The following KCNQ1 variants were observed in gnomAD, a reference collection of about 807,000 sequenced individuals.
KCNQ1 encodes the protein potassium voltage-gated channel subfamily KQT member 1.
A neutral mutation model predicts 72.4 loss-of-function variants in KCNQ1; 49 were observed. The observed-to-expected ratio is 0.68, with a 90% CI of 0.54 to 0.86. The LOEUF is 0.86. KCNQ1 is among the 40% of genes least tolerant of loss of function. The pLI is 0.00. For missense variants in KCNQ1, 790 were observed against 945.1 expected (o/e 0.84, Z 2.15); for synonymous variants, 450 against 412.6 (o/e 1.09, Z -1.10).
intron 2 of KCNQ1, among the ~76,000 whole-genome samples, chr11:2,540,540 C>G (rs765040094): frequency 1.1e-4 from 17 of 152,230 alleles, no homozygotes; most frequent in Non-Finnish European, 2.4e-4. Flanking sequence ...CCAGGGGCGG[C>G]CAGCAGCCTC....
At chr11:2,727,138 T>C (rs231916) in intron 11 of KCNQ1, among the ~76,000 whole-genome samples, 118,990 of 152,138 alleles carry the variant, frequency 0.78, 46,821 homozygotes, top group Middle Eastern at 0.89. Flanking sequence ...ATAAGCCAGA[T>C]TTCAGGAAGG....
intron 15 of KCNQ1, among the ~76,000 whole-genome samples, chr11:2,807,488 G>A (rs538450744): frequency 6.6e-6 from 1 of 152,218 alleles, no homozygotes; most frequent in Non-Finnish European, 1.5e-5. Context: ...ATGTCATGAG[G>A]TAACTGAACA....
rs139753897 is a variant in KCNQ1, at chr11:2,790,073, G to C, written c.1794+12036G>C. ...GGGGATCATATCCCTTTGACCACCA[G>C]GTCATGACCCCCAGATCATATCCCA... On this transcript the variant is annotated intron_variant, in intron 15 of 15. Transcript: ENST00000155840. 3.3e-5 allele frequency among the ~76,000 whole-genome samples: 5 copies of C among 152,290 alleles called. No individual in the cohort carries two copies. In the East Asian group the frequency reaches 9.7e-4, roughly 29 times the overall value.
chr11:2,681,319 C>T (rs1386379152), intron 11 of KCNQ1: 1 of 398,554 alleles, frequency 2.5e-6, no homozygotes, highest in Non-Finnish European at 4.4e-6. Context: ...TTCTCTGTCT[C>T]TCTCCAACTG....
chr11:2,577,473 C>A (rs781547440), intron 6 of KCNQ1, among the ~76,000 whole-genome samples: 3 of 152,216 alleles, frequency 2.0e-5, no homozygotes, highest in Non-Finnish European at 4.4e-5. Context: ...GGCCTGGGGC[C>A]TGGGTGCCAT....
intron 10 of KCNQ1, chr11:2,637,756 G>A (rs994766696): frequency 2.0e-5 from 3 of 152,202 alleles, no homozygotes; most frequent in Non-Finnish European, 4.4e-5. Flanking sequence ...TTCCGGTCTT[G>A]TTGATTTGTC....
chr11:2,729,174 A>C (rs1318598476), intron 11 of KCNQ1, among the ~76,000 whole-genome samples: 1 of 152,240 alleles, frequency 6.6e-6, no homozygotes, highest in Non-Finnish European at 1.5e-5. Context: ...GAAGCTGCTT[A>C]GCAAGGCCTA....
At position 2,599,661 on chromosome 11, in the gene KCNQ1, G is replaced by A. The variant is rs779723775; in HGVS notation, c.1393+10807G>A. ...CTGAGATCAAGGTGTCAGCAAGGCT[G>A]CTTTCCCTGAGGCCTCTTTCCTTGC... On this transcript the variant is annotated intron_variant, in intron 10 of 15. Coordinates refer to ENST00000155840, the MANE Select transcript of KCNQ1 (RefSeq NM_000218.3). This position sits in a 1 kb window ranked among gnomAD's most constrained non-coding sequence, Gnocchi z 4.7. 9.9e-5 allele frequency among the ~76,000 whole-genome samples: 15 copies of A among 152,212 alleles called. No homozygotes were observed. The highest frequency in any genetic ancestry group is 1.8e-4 in the Non-Finnish European group (12 of 68,044).
intron 11 of KCNQ1, chr11:2,685,450 C>A (rs1329241790): frequency 2.5e-6 from 1 of 398,600 alleles, no homozygotes; most frequent in African/African-American, 2.1e-5. Context: ...AAGCCCTTAT[C>A]CAGAAGCCCA....
chr11:2,718,460 G>GTGGATGA (rs1325945291), intron 11 of KCNQ1, among the ~76,000 whole-genome samples: 1 of 152,234 alleles, frequency 6.6e-6, no homozygotes, highest in Non-Finnish European at 1.5e-5. Context: ...CTCTGAGGAT[G>GTGGATGA]TGGATGAGCA....
In KCNQ1 at chr11:2,787,431, C is replaced by T. The variant is rs1846934496; in HGVS notation, c.1794+9394C>T. Among the ~76,000 whole-genome samples the T allele has an allele frequency of 6.6e-6, 1 of 152,112 alleles. No individual in the cohort carries two copies. The highest frequency in any genetic ancestry group is 6.5e-5 in the Admixed American group (1 of 15,274). On this transcript the variant is annotated intron_variant, in intron 15 of 15. Transcript: ENST00000155840. This position sits in a 1 kb window ranked among gnomAD's most constrained non-coding sequence, Gnocchi z 6.3. ...CTCACTCATCAAATACCTTCAGGGC[C>T]CCTATTACCTCTGGGGTTCCACTTT...
rs1429532553 is a variant in KCNQ1, at chr11:2,447,994, G to A, written c.386+2510G>A. ...TGGCCGGGGTGGACACGGCACCTGG[G>A]CCACAACTCTTGCCCGCTTAGGCTT... On this transcript the variant is annotated intron_variant, in intron 1 of 15. Coordinates refer to ENST00000155840, the MANE Select transcript of KCNQ1 (RefSeq NM_000218.3). This position sits in a 1 kb window ranked among gnomAD's most constrained non-coding sequence, Gnocchi z 7.6. Among the ~76,000 whole-genome samples the A allele has an allele frequency of 6.6e-6, 1 of 152,178 alleles. No individual in the cohort carries two copies. The highest frequency in any genetic ancestry group is 1.5e-5 in the Non-Finnish European group (1 of 67,998).
chr11:2,514,113 C>T (rs942107860), intron 1 of KCNQ1, among the ~76,000 whole-genome samples: 1 of 152,216 alleles, frequency 6.6e-6, no homozygotes, highest in Non-Finnish European at 1.5e-5. Flanking sequence ...CTGGCTTGGC[C>T]CTCCACGGAG....
chr11:2,828,577 C>T lies in KCNQ1; in HGVS notation c.1795-19190C>T, dbSNP rs911234673. On this transcript the variant is annotated intron_variant, in intron 15 of 15. Transcript: ENST00000155840. This position sits in a 1 kb window ranked among gnomAD's most constrained non-coding sequence, Gnocchi z 5.3. ...GGCAGTTCCCAACCCAGGACCCTGA[C>T]AGGCAGGTCTCACCCCAGCCCATGA... Among the ~76,000 whole-genome samples, 2 of 152,048 alleles carry T rather than the reference C, an allele frequency of 1.3e-5. No individual in the cohort carries two copies. The highest frequency in any genetic ancestry group is 4.8e-5 in the African/African-American group (2 of 41,398).
At chr11:2,535,639 G>A (rs894474658) in intron 2 of KCNQ1, among the ~76,000 whole-genome samples, 5 of 152,152 alleles carry the variant, frequency 3.3e-5, no homozygotes, top group African/African-American at 4.8e-5. Flanking sequence ...GCCCTGTGGC[G>A]TCTCTCTCAT....
In KCNQ1 at chr11:2,815,516, C is replaced by A. The variant is rs1183398967; in HGVS notation, c.1795-32251C>A. 6.6e-6 allele frequency among the ~76,000 whole-genome samples: 1 copy of A among 152,104 alleles called. No homozygotes were observed. The highest frequency in any genetic ancestry group is 1.5e-5 in the Non-Finnish European group (1 of 67,998). On this transcript the variant is annotated intron_variant, in intron 15 of 15. Coordinates refer to ENST00000155840, the MANE Select transcript of KCNQ1 (RefSeq NM_000218.3). The surrounding 1 kb of genome is among the most constrained non-coding windows in gnomAD (Gnocchi z 5.4). ...CAAACACCTGATCTCAGCTCAGGAT[C>A]GCCACTCCAGTGCCCCATCCCAGAG...
At chr11:2,618,167 T>C (rs1177729521) in intron 10 of KCNQ1, 4 of 398,400 alleles carry the variant, frequency 1.0e-5, no homozygotes, top group Non-Finnish European at 1.3e-5. Flanking sequence ...TATGTTTAGG[T>C]CTTTTATCCA....
chr11:2,448,093 G>A (rs1409691509), intron 1 of KCNQ1, among the ~76,000 whole-genome samples: 6 of 152,234 alleles, frequency 3.9e-5, no homozygotes, highest in Non-Finnish European at 7.3e-5. Flanking sequence ...TTAGCTGAGG[G>A]GATGGGGGTC....
intron 11 of KCNQ1, 124 bp downstream of exon 11, chr11:2,662,205 C>T (rs1849972138): frequency 1.5e-6 from 2 of 1,356,288 alleles, no homozygotes; most frequent in Non-Finnish European, 2.1e-6. Flanking sequence ...GTGCCCACCA[C>T]TTGCCGTCTG....
Sources: allele counts gnomAD v4.1 joint callset (sites outside exome capture counted in the v4.1 genomes callset), GRCh38; gene constraint gnomAD v4.1.1; non-coding constraint Gnocchi (gnomAD v3.1); transcripts MANE v1.5; gene names NCBI Gene and HGNC (gene_info 2026-07-23, HGNC 2026-07-21).